Variants in TXNDC8 observed in about 807,000 individuals in gnomAD.
TXNDC8 encodes thioredoxin domain-containing protein 8.
Under a neutral mutation model 12.9 loss-of-function variants are expected in TXNDC8, and 15 were observed. The observed-to-expected ratio is 1.16, with a 90% confidence interval of 0.78 to 1.79. The LOEUF (loss-of-function observed/expected upper bound fraction) is 1.79, where lower values mean the gene tolerates loss of function less well. Ranked by LOEUF, TXNDC8 falls within the 40% of genes most tolerant of loss-of-function variation. The pLI is 0.00. For missense variants in TXNDC8, 128 were observed against 113.2 expected, an observed-to-expected ratio of 1.13 and a Z score of -0.59; for synonymous variants, 40 against 35.4, an observed-to-expected ratio of 1.13 and a Z score of -0.46.
At chr9:110,315,954 G>A (rs1587965101) in intron 3 of TXNDC8, among the ~76,000 whole-genome samples, 3 of 152,024 alleles carry the variant, frequency 2.0e-5, no homozygotes, top group Middle Eastern at 3.4e-3. Context: ...CTGGAGTGCG[G>A]TGGTATGATC....
rs774141051 is a variant in TXNDC8 at position 110,303,627 on chromosome 9, G to A, written c.*55C>T. 6.3e-7 allele frequency: 1 copy of A among 1,581,196 alleles called. No homozygotes were observed. The highest frequency in any genetic ancestry group is 8.6e-7 in the Non-Finnish European group (1 of 1,160,486). On this transcript the variant is annotated 3_prime_UTR_variant, in exon 5 of 5. Coordinates refer to ENST00000423740, the MANE Select transcript of TXNDC8 (RefSeq NM_001286946.2). ...AGGTGAAACATTTATTGATTCAAGTGCTGCGAAAATGTTGAGGCTTTAAGG... is the reference window on the plus strand; with the variant it reads ...AGGTGAAACATTTATTGATTCAAGTACTGCGAAAATGTTGAGGCTTTAAGG...
chr9:110,304,592 C>T lies in TXNDC8; in HGVS notation c.196-60G>A, dbSNP rs1838357119. ...AGTTGCCTGGTTTGTAACCATCTCC[C>T]CTATAACTGGTTCTTTTGGCCTTGG... On this transcript the variant is annotated intron_variant, in intron 3 of 4. Transcript: ENST00000423740. The T allele has an allele frequency of 3.4e-6, 5 of 1,456,484 alleles. No individual in the cohort carries two copies. In the Admixed American group the frequency reaches 7.7e-5, roughly 23 times the overall value. 90.2% of individuals were successfully genotyped at this position (1,456,484 alleles called of 1,614,324 possible). A position where few individuals can be genotyped will look rare whatever the true frequency, so the allele number is the denominator to read the frequency against.
intron 3 of TXNDC8, among the ~76,000 whole-genome samples, chr9:110,315,600 T>A (rs1446463256): frequency 1.4e-4 from 22 of 151,924 alleles, no homozygotes; most frequent in Non-Finnish European, 2.9e-5. Context: ...TGATATGCAA[T>A]TTTGGTTTTG....
downstream of TXNDC8, among the ~76,000 whole-genome samples, chr9:110,302,869 G>A (rs1431033616): frequency 6.6e-6 from 1 of 152,086 alleles, no homozygotes; most frequent in Admixed American, 6.6e-5. Context: ...TTTGAGACCA[G>A]CCTGGACAAC....
chr9:110,329,391 G>C (rs1044085497), intron 2 of TXNDC8, 100 bp from the exon 3 acceptor site: 5 of 880,932 alleles, frequency 5.7e-6, no homozygotes, highest in Non-Finnish European at 8.8e-6. Context: ...GAACAGAAAG[G>C]CTGTTAAAGA....
chr9:110,327,810 T>C (rs534444970), intron 2 of TXNDC8, among the ~76,000 whole-genome samples: 2 of 152,270 alleles, frequency 1.3e-5, no homozygotes, highest in African/African-American at 4.8e-5. Flanking sequence ...GGGAATTGGG[T>C]GTAACTACTA....
At chr9:110,324,028 CAAAAGGGAGTGGTTCCTTGGA>C in intron 3 of TXNDC8, 1 of 1,545,458 alleles carries the variant, frequency 6.5e-7, no homozygotes, top group Non-Finnish European at 8.7e-7. Flanking sequence ...GATAAGAATG[CAAAAGGGAGTGGTTCCTTGGA>C]GGAAAATCAG....
chr9:110,305,554 CTTTCTTTCTTTCTTTCTTTCTTTCT>C (rs1449716665), intron 3 of TXNDC8, among the ~76,000 whole-genome samples: 1 of 72,770 alleles, frequency 1.4e-5, no homozygotes, highest in Non-Finnish European at 2.7e-5. Context: ...CTTTTTCTTT[CTTTCTTTCTTTCTTTCTTTCTTTCT>C]TTCTTTCTTT....
intron 2 of TXNDC8, among the ~76,000 whole-genome samples, chr9:110,326,956 A>G (rs1184454264): frequency 6.6e-6 from 1 of 151,676 alleles, no homozygotes; most frequent in Non-Finnish European, 1.5e-5. Context: ...ACACACACAC[A>G]CACACACACA....
At chr9:110,330,305 T>C (rs1839499071) in intron 2 of TXNDC8, among the ~76,000 whole-genome samples, 1 of 152,274 alleles carries the variant, frequency 6.6e-6, no homozygotes, top group African/African-American at 2.4e-5. Flanking sequence ...GGTTTCCTGC[T>C]TTTAGACTTT....
At chr9:110,323,717 T>A in intron 3 of TXNDC8, 1 of 835,880 alleles carries the variant, frequency 1.2e-6, no homozygotes, top group Non-Finnish European at 1.8e-6. Flanking sequence ...CATGGATAGA[T>A]TCAGGGTGCA....
At chr9:110,326,338 T>C (rs1199322986) in intron 2 of TXNDC8, 98 bp from the exon 4 acceptor site, 5 of 1,197,486 alleles carry the variant, frequency 4.2e-6, no homozygotes, top group Non-Finnish European at 6.2e-6. Context: ...GTGTCTGAAA[T>C]TCCAAGGACA....
intron 2 of TXNDC8, among the ~76,000 whole-genome samples, chr9:110,329,867 A>G (rs548821333): frequency 6.6e-6 from 1 of 152,310 alleles, no homozygotes; most frequent in Admixed American, 6.5e-5. Context: ...TCCAGGTTCC[A>G]TTGCTGGCTG....
At chr9:110,326,994 A>G (rs1472625684) in intron 2 of TXNDC8, among the ~76,000 whole-genome samples, 1 of 151,000 alleles carries the variant, frequency 6.6e-6, no homozygotes, top group African/African-American at 2.4e-5. Flanking sequence ...ATACTGTATT[A>G]TAATTTTTCA....
chr9:110,325,097 G>A (rs1281432666), intron 3 of TXNDC8, among the ~76,000 whole-genome samples: 2 of 151,982 alleles, frequency 1.3e-5, no homozygotes, highest in Non-Finnish European at 2.9e-5. Context: ...TCCAGCCTGG[G>A]TGACCTTGCA....
At chr9:110,325,620 A>T (rs1321016119) in intron 3 of TXNDC8, among the ~76,000 whole-genome samples, 9 of 148,338 alleles carry the variant, frequency 6.1e-5, no homozygotes, top group Non-Finnish European at 1.2e-4. Context: ...TCCTGGGTTC[A>T]TGCCATTCTC....
intron 3 of TXNDC8, chr9:110,323,644 A>G (rs891426811): frequency 2.3e-5 from 9 of 384,244 alleles, no homozygotes; most frequent in African/African-American, 1.0e-4. Flanking sequence ...GTTGCAAGTG[A>G]CAGAGAAACC....
At position 110,334,215 on chromosome 9, in the gene TXNDC8, C is replaced by T; in HGVS notation, c.129+1G>A. Reference sequence around the variant, plus strand: ...ATGAGATATATACTGGTTGTACTCACATGGAAAACAGGAAACATCCTTTTG... The same window carrying T: ...ATGAGATATATACTGGTTGTACTCATATGGAAAACAGGAAACATCCTTTTG... On this transcript the variant is annotated splice_donor_variant, in intron 2 of 4. Coordinates refer to ENST00000423740, the MANE Select transcript of TXNDC8 (RefSeq NM_001286946.2). LOFTEE classifies it high-confidence loss of function. 6.2e-7 allele frequency: 1 copy of T among 1,609,038 alleles called. No homozygotes were observed. The highest frequency in any genetic ancestry group is 1.3e-5 in the African/African-American group (1 of 74,908).
chr9:110,317,207 T>C (rs1045317649), intron 3 of TXNDC8, among the ~76,000 whole-genome samples: 16 of 152,372 alleles, frequency 1.1e-4, no homozygotes, highest in East Asian at 1.9e-4. Flanking sequence ...TCCCGTTTAC[T>C]GGAAGTGTAG....
Sources: allele counts gnomAD v4.1 joint callset (sites outside exome capture counted in the v4.1 genomes callset), GRCh38; gene constraint gnomAD v4.1.1; transcripts MANE v1.5; gene names NCBI Gene and HGNC (gene_info 2026-07-23, HGNC 2026-07-21).